Variants in ERBB4 observed in about 807,000 individuals in gnomAD.
ERBB4 encodes the protein erb-b2 receptor tyrosine kinase 4.
ERBB4 carries 42 observed loss-of-function variants against 158.0 expected under a neutral mutation model. The ratio of observed to expected loss-of-function variants is 0.27; its 90% CI spans 0.21 to 0.34. ERBB4 has a LOEUF of 0.34. ERBB4 is among the 10% of genes least tolerant of loss of function. ERBB4 has a pLI of 1.00. For synonymous variants in ERBB4, 583 were observed against 558.7 expected (o/e 1.04, Z -0.61); for missense variants, 1,333 against 1,624.1 (o/e 0.82, Z 3.08).
At chr2:212,427,647 T>C (rs2091942869) in intron 1 of ERBB4, among the ~76,000 whole-genome samples, 1 of 152,178 alleles carries the variant, frequency 6.6e-6, no homozygotes, top group Admixed American at 6.6e-5. Context: ...ATAAATTTTA[T>C]TTTCTTGTAA....
chr2:211,709,883 G>C (rs2073626493), intron 9 of ERBB4, among the ~76,000 whole-genome samples: 1 of 152,078 alleles, frequency 6.6e-6, no homozygotes. Context: ...TGTCTGGCTA[G>C]TGGTTTTCTA....
chr2:211,869,346 C>A (rs940060570), intron 3 of ERBB4, among the ~76,000 whole-genome samples: 38 of 152,170 alleles, frequency 2.5e-4, no homozygotes, highest in African/African-American at 8.9e-4. Context: ...CTTAACGTGA[C>A]ATCCTCCTGC....
chr2:211,971,099 G>T (rs2081439741), intron 2 of ERBB4, among the ~76,000 whole-genome samples: 1 of 152,128 alleles, frequency 6.6e-6, no homozygotes, highest in African/African-American at 2.4e-5. Flanking sequence ...GCATTTGCTT[G>T]TCTGAAAAGG....
chr2:211,438,011 A>G (rs1398847044), intron 20 of ERBB4, among the ~76,000 whole-genome samples: 1 of 152,176 alleles, frequency 6.6e-6, no homozygotes. Context: ...GAATATAAGG[A>G]GGCTCAGTAA....
At chr2:212,034,789 G>A (rs1204509762) in intron 2 of ERBB4, among the ~76,000 whole-genome samples, 1 of 151,884 alleles carries the variant, frequency 6.6e-6, no homozygotes, top group South Asian at 2.1e-4. Flanking sequence ...TAAATGACTT[G>A]GAAAAGATCC....
intron 20 of ERBB4, among the ~76,000 whole-genome samples, chr2:211,550,063 T>C (rs2067042707): frequency 6.6e-6 from 1 of 152,152 alleles, no homozygotes; most frequent in Non-Finnish European, 1.5e-5. Context: ...ATTTAAAATG[T>C]ACAACCAGAT....
chr2:212,448,716 T>C (rs73079471), intron 1 of ERBB4, among the ~76,000 whole-genome samples: 2,714 of 152,206 alleles, frequency 0.018, 90 homozygotes, highest in African/African-American at 0.062. Flanking sequence ...GAAATCATTG[T>C]TTATGATTCA....
At chr2:212,474,035 CAAT>C (rs1689248584) in intron 1 of ERBB4, among the ~76,000 whole-genome samples, 1 of 151,980 alleles carries the variant, frequency 6.6e-6, no homozygotes, top group Non-Finnish European at 1.5e-5. Context: ...TAGTGAAATA[CAAT>C]ATTAAAGTTT....
chr2:212,502,770 T>C (rs1690963808), intron 1 of ERBB4, among the ~76,000 whole-genome samples: 1 of 152,152 alleles, frequency 6.6e-6, no homozygotes, highest in South Asian at 2.1e-4. Flanking sequence ...CTTCCATTCT[T>C]TCTTTTTCAT....
At position 211,383,908 on chromosome 2, in the gene ERBB4, A is replaced by C. The variant is rs2062627774; in HGVS notation, c.3634T>G (p.Phe1212Val). The C allele has an allele frequency of 6.2e-7, 1 of 1,613,936 alleles. No individual in the cohort carries two copies. The highest frequency in any genetic ancestry group is 8.5e-7 in the Non-Finnish European group (1 of 1,180,030). The stretch of plus-strand genomic sequence containing the variant: ...TCAGCTTTTCCCAAGGTGTTGGCAA[A>C]GGTGTTGAGGTACAGTGGCTCATTC... ...YVNEPLYLNT[F>V]ANTLGKAEYL... Residue 1212 changes from phenylalanine to valine, a missense_variant, in exon 28 of 28, where the codon TTT becomes GTT. Coordinates refer to ENST00000342788, the MANE Select transcript of ERBB4 (RefSeq NM_005235.3).
At chr2:212,414,953 C>T (rs532589973) in intron 1 of ERBB4, among the ~76,000 whole-genome samples, 1 of 152,146 alleles carries the variant, frequency 6.6e-6, no homozygotes, top group African/African-American at 2.4e-5. Flanking sequence ...GACTTTAAGG[C>T]CAAAAGTTGC....
At chr2:211,482,399 C>T (rs1473846726) in intron 20 of ERBB4, among the ~76,000 whole-genome samples, 1 of 152,170 alleles carries the variant, frequency 6.6e-6, no homozygotes, top group African/African-American at 2.4e-5. Flanking sequence ...AGACTAAATG[C>T]AGTTGTATTC....
intron 1 of ERBB4, among the ~76,000 whole-genome samples, chr2:212,165,902 T>A (rs1217751826): frequency 6.6e-6 from 1 of 152,086 alleles, no homozygotes; most frequent in African/African-American, 2.4e-5. Context: ...ACTAATTTTT[T>A]TTCATAACAC....
chr2:212,368,135 A>G (rs780865272), intron 1 of ERBB4, among the ~76,000 whole-genome samples: 1 of 152,166 alleles, frequency 6.6e-6, no homozygotes, highest in Non-Finnish European at 1.5e-5. Context: ...ACACACGTTT[A>G]CAGTGGCACA....
chr2:211,495,436 A>G (rs2065445724), intron 20 of ERBB4, among the ~76,000 whole-genome samples: 1 of 152,150 alleles, frequency 6.6e-6, no homozygotes, highest in South Asian at 2.1e-4. Flanking sequence ...GTATAAGGAT[A>G]TGTAAAAACA....
intron 3 of ERBB4, among the ~76,000 whole-genome samples, chr2:211,867,769 C>A (rs1391446476): frequency 6.6e-6 from 1 of 152,122 alleles, no homozygotes; most frequent in Non-Finnish European, 1.5e-5. Flanking sequence ...TAGACTAAAT[C>A]TTTGTGGAAC....
At chr2:211,852,351 C>G (rs1034210601) in intron 3 of ERBB4, among the ~76,000 whole-genome samples, 1 of 151,978 alleles carries the variant, frequency 6.6e-6, no homozygotes, top group Non-Finnish European at 1.5e-5. Flanking sequence ...TATGCTGAAT[C>G]GGCACTGACA....
At chr2:211,505,854 G>T (rs1194084788) in intron 20 of ERBB4, among the ~76,000 whole-genome samples, 1 of 151,776 alleles carries the variant, frequency 6.6e-6, no homozygotes, top group African/African-American at 2.4e-5. Flanking sequence ...CAGCTACTCA[G>T]GAGGCTGAGG....
rs139954451 is a variant in ERBB4 at position 212,162,696 on chromosome 2, G to C, written c.83-37793C>G. Among the ~76,000 whole-genome samples the C allele has an allele frequency of 1.9e-3, 289 of 152,008 alleles. 5 individuals carry two copies. The highest frequency in any genetic ancestry group is 0.018 in the Admixed American group (267 of 15,220). ...AAAAAATGAAACAGGATAATGGTTA[G>C]AGGGCAATAATGAGGAGAAATGTGA... On this transcript the variant is annotated intron_variant, in intron 1 of 27. Coordinates refer to ENST00000342788, the MANE Select transcript of ERBB4 (RefSeq NM_005235.3).
Sources: allele counts gnomAD v4.1 joint callset (sites outside exome capture counted in the v4.1 genomes callset), GRCh38; gene constraint gnomAD v4.1.1; transcripts MANE v1.5; gene names NCBI Gene and HGNC (gene_info 2026-07-23, HGNC 2026-07-21).